The following SULF1 variants were observed in gnomAD, a reference collection of about 807,000 sequenced individuals.
The protein encoded by SULF1 is extracellular sulfatase Sulf-1.
A neutral mutation model predicts 110.5 loss-of-function variants in SULF1; 46 were observed. The ratio of observed to expected loss-of-function variants is 0.42; its 90% CI spans 0.33 to 0.53. The LOEUF is 0.53. Ranked by LOEUF, SULF1 falls within the 20% of genes least tolerant of loss-of-function variation. The pLI, the probability that SULF1 is intolerant of heterozygous loss-of-function variation, is 0.12. For missense variants in SULF1, 941 were observed against 1,094.2 expected (o/e 0.86, Z 1.98); for synonymous variants, 371 against 387.1 (o/e 0.96, Z 0.49).
intron 3 of SULF1, among the ~76,000 whole-genome samples, chr8:69,519,639 T>C (rs1812158105): frequency 6.6e-6 from 1 of 152,194 alleles, no homozygotes; most frequent in Non-Finnish European, 1.5e-5. Flanking sequence ...GTAGCAGGGC[T>C]GTTTTCAGCA....
intron 22 of SULF1, among the ~76,000 whole-genome samples, chr8:69,645,186 G>A (rs953405217): frequency 5.3e-5 from 8 of 152,162 alleles, no homozygotes; most frequent in South Asian, 4.1e-4. Flanking sequence ...GCTGGGTAGC[G>A]GCAGGGGTGA....
intron 3 of SULF1, among the ~76,000 whole-genome samples, chr8:69,513,462 T>A (rs966158968): frequency 1.3e-5 from 2 of 152,256 alleles, no homozygotes; most frequent in Non-Finnish European, 2.9e-5. Flanking sequence ...CCAAAGCTCT[T>A]TGCCATACAC....
intron 8 of SULF1, chr8:69,597,347 T>C (rs1807421415): frequency 6.6e-6 from 1 of 152,180 alleles, no homozygotes; most frequent in Non-Finnish European, 1.5e-5. Context: ...TGGGAAGCAG[T>C]GGCAGTCTGT....
chr8:69,506,962 G>A lies in SULF1; in HGVS notation c.-134+4994G>A, dbSNP rs533669231. Reference sequence around the variant, plus strand: ...AAGTTGGTATGAGACATTACTTTGCGGTGATGCTCTCAGGAAGGGCCTAAG... The same window carrying A: ...AAGTTGGTATGAGACATTACTTTGCAGTGATGCTCTCAGGAAGGGCCTAAG... On this transcript the variant is annotated intron_variant, in intron 3 of 22. Transcript: ENST00000402687. Among the ~76,000 whole-genome samples the A allele has an allele frequency of 3.3e-5, 5 of 152,266 alleles. No homozygotes were observed. In the East Asian group the frequency reaches 5.8e-4, roughly 18 times the overall value.
At chr8:69,646,938 A>ATTTTTTTTTTTTTTTTTTT (rs532105097) in intron 22 of SULF1, among the ~76,000 whole-genome samples, 1 of 97,740 alleles carries the variant, frequency 1.0e-5, no homozygotes, top group Non-Finnish European at 2.0e-5. Flanking sequence ...GAGCCCTGGA[A>ATTTTTTTTTTTTTTTTTTT]TTTTTTTTTT....
chr8:69,594,513 G>A (rs1304908815), intron 8 of SULF1, among the ~76,000 whole-genome samples: 1 of 152,028 alleles, frequency 6.6e-6, no homozygotes, highest in Non-Finnish European at 1.5e-5. Context: ...TTGTTGTGAG[G>A]GTAGAGCTTT....
At chr8:69,602,168 A>C (rs1414255464) in intron 10 of SULF1, among the ~76,000 whole-genome samples, 2 of 152,208 alleles carry the variant, frequency 1.3e-5, no homozygotes, top group Non-Finnish European at 2.9e-5. Context: ...TTAAAAAAAA[A>C]ACCTGACACC....
chr8:69,639,857 G>A (rs1057074063), intron 21 of SULF1, among the ~76,000 whole-genome samples: 3 of 152,080 alleles, frequency 2.0e-5, no homozygotes, highest in African/African-American at 7.2e-5. Context: ...TCCACTGCAG[G>A]GTCACAAAGG....
chr8:69,517,130 G>A (rs1377522874), intron 3 of SULF1, among the ~76,000 whole-genome samples: 1 of 152,172 alleles, frequency 6.6e-6, no homozygotes, highest in Non-Finnish European at 1.5e-5. Flanking sequence ...TGAAGGTCTT[G>A]TGCTGCATCA....
At chr8:69,642,537 G>A (rs531005067) in intron 22 of SULF1, 3 of 319,100 alleles carry the variant, frequency 9.4e-6, no homozygotes, top group African/African-American at 4.5e-5. Context: ...TCTCCCCTGG[G>A]TATGGGCTGA....
At chr8:69,643,099 T>C (rs192930040) in intron 22 of SULF1, among the ~76,000 whole-genome samples, 63 of 152,352 alleles carry the variant, frequency 4.1e-4, no homozygotes, top group Admixed American at 1.5e-3. Context: ...CATTTCATAG[T>C]CCATAGGGCA....
chr8:69,652,369 T>C (rs1363578068), intron 22 of SULF1, among the ~76,000 whole-genome samples: 1 of 152,236 alleles, frequency 6.6e-6, no homozygotes, highest in African/African-American at 2.4e-5. Context: ...ATCACAGCTA[T>C]CAATGTTATC....
chr8:69,603,724 T>A (rs1380905575), intron 12 of SULF1, 68 bp downstream of exon 12: 1 of 1,064,510 alleles, frequency 9.4e-7, no homozygotes, highest in Non-Finnish European at 1.5e-6. Flanking sequence ...GCTGAGTATT[T>A]TTTTTCTCCT....
chr8:69,646,557 G>A (rs1430579028), intron 22 of SULF1, among the ~76,000 whole-genome samples: 1 of 151,796 alleles, frequency 6.6e-6, no homozygotes, highest in East Asian at 2.0e-4. Flanking sequence ...CTCCCAGGTA[G>A]CTGGGATTAC....
At chr8:69,505,628 C>T (rs1811133139) in intron 3 of SULF1, among the ~76,000 whole-genome samples, 1 of 152,070 alleles carries the variant, frequency 6.6e-6, no homozygotes, top group Non-Finnish European at 1.5e-5. Context: ...TAAACCTTTT[C>T]AAGGAATCAA....
chr8:69,510,259 T>C (rs1395494939), intron 3 of SULF1, among the ~76,000 whole-genome samples: 1 of 152,242 alleles, frequency 6.6e-6, no homozygotes, highest in African/African-American at 2.4e-5. Context: ...TGGGAAGCTC[T>C]TTCTTGTCCT....
chr8:69,588,341 A>G (rs1461311347), intron 7 of SULF1, among the ~76,000 whole-genome samples: 3 of 152,166 alleles, frequency 2.0e-5, no homozygotes, highest in Admixed American at 6.5e-5. Flanking sequence ...TCCCTATTCA[A>G]GTGTTTCAAG....
At chr8:69,594,443 C>G (rs992388989) in intron 8 of SULF1, among the ~76,000 whole-genome samples, 5 of 152,052 alleles carry the variant, frequency 3.3e-5, no homozygotes, top group Non-Finnish European at 7.4e-5. Context: ...CACAAATACA[C>G]AAGTTCAAGT....
chr8:69,563,612 G>A lies in SULF1; in HGVS notation c.-61+1G>A, dbSNP rs1179157508. On this transcript the variant is annotated splice_donor_variant, in intron 4 of 22. Coordinates refer to ENST00000402687, the MANE Select transcript of SULF1 (RefSeq NM_001128205.2). LOFTEE classifies it low-confidence loss of function (5UTR_SPLICE). ...ATTCAACCAGGATACCTAATTCAAG[G>A]TATTAGCTCTCGTCAGAAAGCTTTT... 5.0e-6 allele frequency: 1 copy of A among 198,092 alleles called. No homozygotes were observed. Among genetic ancestry groups the A allele is most frequent in the Non-Finnish European group, 1.0e-5 (1 of 96,222 alleles). 12.3% of individuals were successfully genotyped at this position (198,092 alleles called of 1,614,324 possible). A position where few individuals can be genotyped will look rare whatever the true frequency, so the allele number is the denominator to read the frequency against.
Sources: gnomAD v4.1 joint callset for allele counts (sites outside exome capture counted in the v4.1 genomes callset) on GRCh38, gnomAD v4.1.1 for gene constraint, MANE v1.5 for transcripts, NCBI Gene and HGNC (gene_info 2026-07-23, HGNC 2026-07-21) for gene names.